The following KDM5B variants were observed in gnomAD, a reference collection of about 807,000 sequenced individuals.
KDM5B encodes lysine demethylase 5B, also known as lysine-specific demethylase 5B.
In KDM5B, 144 loss-of-function variants were observed where a neutral mutation model predicts 193.4. The ratio of observed to expected loss-of-function variants is 0.74; its 90% CI spans 0.65 to 0.86. KDM5B has a LOEUF of 0.86. Ranked by LOEUF, KDM5B falls within the 40% of genes least tolerant of loss-of-function variation. The pLI is 0.00. For synonymous variants in KDM5B, 668 were observed against 682.6 expected (o/e 0.98, Z 0.33); for missense variants, 1,833 against 1,886.9 (o/e 0.97, Z 0.53).
At chr1:202,731,978 G>T (rs1047179974) in intron 23 of KDM5B, 39 bp from the exon 24 acceptor site, 2 of 1,387,370 alleles carry the variant, frequency 1.4e-6, no homozygotes, top group Non-Finnish European at 2.0e-6. Context: ...AATCTCTTCA[G>T]GATTAAAAAT....
chr1:202,735,523 T>C lies in KDM5B; in HGVS notation c.3329A>G (p.Glu1110Gly). 6.2e-7 allele frequency: 1 copy of C among 1,614,028 alleles called. No homozygotes were observed. The highest frequency in any genetic ancestry group is 1.1e-5 in the South Asian group (1 of 91,072). ...TTTTTTCTTTCCATTTGGCAAGGGCTCCTTTAACTTTCTCTGCTTCCTTTT... is the reference window on the plus strand; with the variant it reads ...TTTTTTCTTTCCATTTGGCAAGGGCCCCTTTAACTTTCTCTGCTTCCTTTT... ...GLKRKQRKLK[E>G]PLPNGKKKST... The change falls in exon 22 of 27, where the codon GAG becomes GGG. Residue 1110 changes from glutamate (E) to glycine (G), a missense_variant. Coordinates refer to ENST00000367265, the MANE Select transcript of KDM5B (RefSeq NM_006618.5).
At chr1:202,729,216 A>C (rs1420705915) in intron 26 of KDM5B, 43 bp from the exon 27 acceptor site, 4 of 1,611,504 alleles carry the variant, frequency 2.5e-6, no homozygotes, top group African/African-American at 1.3e-5. Context: ...AGAGGAAAAA[A>C]TGGATTCAAA....
chr1:202,797,175 C>T (rs920057798), intron 1 of KDM5B: 1 of 152,190 alleles, frequency 6.6e-6, no homozygotes, highest in African/African-American at 2.4e-5. Context: ...AACCCCTCAG[C>T]CCTGAGGGGA....
chr1:202,774,260 T>G (rs1365755480), intron 3 of KDM5B, among the ~76,000 whole-genome samples: 1 of 152,172 alleles, frequency 6.6e-6, no homozygotes, highest in Non-Finnish European at 1.5e-5. Context: ...TTCTTTCTTT[T>G]TTGAGACAGG....
At chr1:202,774,473 CT>C in intron 3 of KDM5B, 139 bp downstream of exon 3, 1 of 710,376 alleles carries the variant, frequency 1.4e-6, no homozygotes, top group Non-Finnish European at 2.3e-6. Context: ...AGCAATCCTC[CT>C]CCCTTGACCT....
chr1:202,749,356 G>A (rs182533072), intron 13 of KDM5B, among the ~76,000 whole-genome samples: 34 of 152,224 alleles, frequency 2.2e-4, no homozygotes, highest in Non-Finnish European at 3.7e-4. Context: ...AAGAATTGGA[G>A]ACCAGCCTGT....
intron 22 of KDM5B, 39 bp from the exon 23 acceptor site, chr1:202,733,925 G>A (rs4310498): frequency 0.83 from 1,300,121 of 1,563,296 alleles, 546,129 homozygotes; most frequent in Admixed American, 0.87. Flanking sequence ...TGTCCGAGAT[G>A]GCTTGGCCTT....
At chr1:202,777,438 C>G (rs1390591610) in intron 1 of KDM5B, among the ~76,000 whole-genome samples, 1 of 149,322 alleles carries the variant, frequency 6.7e-6, no homozygotes, top group Non-Finnish European at 1.5e-5. Context: ...TTTTATATAA[C>G]AGCTATATGT....
At chr1:202,769,111 A>G (rs976087207) in intron 4 of KDM5B, among the ~76,000 whole-genome samples, 14 of 142,678 alleles carry the variant, frequency 9.8e-5, no homozygotes, top group African/African-American at 3.7e-4. Flanking sequence ...ATCTTGGCTC[A>G]CTGCAAGCTC....
chr1:202,765,536 T>C (rs983422848), intron 5 of KDM5B, among the ~76,000 whole-genome samples: 2 of 152,226 alleles, frequency 1.3e-5, no homozygotes, highest in Non-Finnish European at 2.9e-5. Context: ...ATTTCTTATA[T>C]ACACATGTAT....
At chr1:202,750,565 G>T in intron 13 of KDM5B, 94 bp downstream of exon 13, 1 of 1,361,218 alleles carries the variant, frequency 7.3e-7, no homozygotes, top group Non-Finnish European at 1.0e-6. Flanking sequence ...ATGAGCTACC[G>T]CACCCAGCCC....
Position 202,745,788 on chromosome 1 carries a change from G to T in KDM5B, c.2323+70C>A, listed in dbSNP as rs189555404. On this transcript the variant is annotated intron_variant, in intron 16 of 26. Transcript: ENST00000367265. Reference sequence around the variant, plus strand: ...AGGCTGTTTCAAGAAATGTTTTGTTGACTTTAATTTGGCTACATCACAATA... The same window carrying T: ...AGGCTGTTTCAAGAAATGTTTTGTTTACTTTAATTTGGCTACATCACAATA... 1.2e-4 allele frequency: 193 copies of T among 1,558,354 alleles called. No homozygotes were observed. In the African/African-American group the frequency reaches 2.3e-3, roughly 18 times the overall value.
At chr1:202,800,541 T>C (rs1411765475) in intron 1 of KDM5B, among the ~76,000 whole-genome samples, 1 of 151,968 alleles carries the variant, frequency 6.6e-6, no homozygotes, top group Non-Finnish European at 1.5e-5. Flanking sequence ...GGTCTCACTA[T>C]GTTTCCCAGG....
intron 2 of KDM5B, chr1:202,776,301 A>C (rs4950946): frequency 0.61 from 92,010 of 152,040 alleles, 31,095 homozygotes; most frequent in Middle Eastern, 0.77. Context: ...CAGACAAAGA[A>C]TTAAACACTC....
At chr1:202,778,541 CATTTTAAT>C (rs1341254551) in intron 1 of KDM5B, among the ~76,000 whole-genome samples, 1 of 152,074 alleles carries the variant, frequency 6.6e-6, no homozygotes, top group African/African-American at 2.4e-5. Flanking sequence ...ATGTTATGTA[CATTTTAAT>C]ATTTTAATAC....
intron 20 of KDM5B, among the ~76,000 whole-genome samples, chr1:202,739,905 T>C (rs1180384991): frequency 2.6e-5 from 4 of 152,222 alleles, no homozygotes; most frequent in African/African-American, 9.6e-5. Flanking sequence ...CCATCCGATT[T>C]CTCAATCTTT....
intron 26 of KDM5B, 21 bp from the exon 27 acceptor site, chr1:202,729,194 G>A: frequency 1.2e-6 from 2 of 1,613,760 alleles, no homozygotes; most frequent in Non-Finnish European, 1.7e-6. Context: ...AGAGCAGGAA[G>A]ATGGGGTTTT....
Position 202,739,272 on chromosome 1 carries a change from T to C in KDM5B, c.3084+1402A>G, listed in dbSNP as rs115800198. ...AAGACTCCCCAGCTCCCAGAAAAAG[T>C]TGGTGACACTGTCTAAGCTTTAAAT... On this transcript the variant is annotated intron_variant, in intron 20 of 26. Coordinates refer to ENST00000367265, the MANE Select transcript of KDM5B (RefSeq NM_006618.5). Among the ~76,000 whole-genome samples the C allele has an allele frequency of 7.2e-3, 1,101 of 152,296 alleles. 9 individuals carry two copies. Among genetic ancestry groups the C allele is most frequent in the African/African-American group, 0.025 (1,051 of 41,558 alleles).
intron 1 of KDM5B, among the ~76,000 whole-genome samples, chr1:202,802,051 GA>G (rs1055389167): frequency 4.7e-5 from 7 of 149,504 alleles, no homozygotes; most frequent in Admixed American, 6.6e-5. Context: ...TTCTCTTAGA[GA>G]AAAAAAAATT....
Sources: gnomAD v4.1 joint callset for allele counts (sites outside exome capture counted in the v4.1 genomes callset) on GRCh38, gnomAD v4.1.1 for gene constraint, MANE v1.5 for transcripts, NCBI Gene and HGNC (gene_info 2026-07-23, HGNC 2026-07-21) for gene names.